The following GOLGA8A variants were observed in gnomAD, a reference collection of about 807,000 sequenced individuals.
GOLGA8A encodes the protein golgin subfamily A member 8A.
In GOLGA8A, 3 loss-of-function variants were observed where a neutral mutation model predicts 22.1. The observed-to-expected ratio is 0.14, with a 90% confidence interval of 0.06 to 0.35. The LOEUF (loss-of-function observed/expected upper bound fraction) is 0.35, where lower values mean the gene tolerates loss of function less well. Ranked by LOEUF, GOLGA8A falls within the 10% of genes least tolerant of loss-of-function variation. The probability of loss-of-function intolerance (pLI) is 1.00; values close to 1 mark genes in which losing one functional copy is unlikely to be tolerated. For missense variants in GOLGA8A, 16 were observed against 233.2 expected (o/e 0.07, Z 6.07); for synonymous variants, 7 against 91.7 (o/e 0.08, Z 5.28).
chr15:34,428,030 C>T lies in GOLGA8A; in HGVS notation c.-1123+7353G>A, dbSNP rs574762484. Among the ~76,000 whole-genome samples the T allele has an allele frequency of 3.0e-3, 444 of 148,490 alleles. 22 individuals carry two copies. Among genetic ancestry groups the T allele is most frequent in the Non-Finnish European group, 3.8e-3 (252 of 66,964 alleles). ...CATCAAGATGATACAAAGGTCTAAT[C>T]GCAGAGGTGCTCTCCACTCCCAACC... On this transcript the variant is annotated intron_variant, in intron 2 of 24. Coordinates refer to ENST00000359187, the MANE Select transcript of GOLGA8A (RefSeq NM_181077.5).
intron 16 of GOLGA8A, 134 bp from the exon 17 acceptor site, chr15:34,384,181 C>CT: frequency 1.7e-6 from 1 of 586,014 alleles, no homozygotes; most frequent in East Asian, 2.8e-5. Context: ...AGCCCGTGGT[C>CT]TGGTTTTGAA....
intron 2 of GOLGA8A, among the ~76,000 whole-genome samples, chr15:34,430,701 C>A (rs62014615): frequency 0.13 from 17,229 of 134,562 alleles, 2,100 homozygotes; most frequent in South Asian, 0.27. Flanking sequence ...GCACTGACTG[C>A]GTGCTTTACT....
chr15:34,429,173 C>A, intron 2 of GOLGA8A, among the ~76,000 whole-genome samples: 1 of 147,792 alleles, frequency 6.8e-6, no homozygotes, highest in Non-Finnish European at 1.5e-5. Context: ...CTGACCGCGT[C>A]TTCCTCCCAT....
At position 34,423,158 on chromosome 15, in the gene GOLGA8A, C is replaced by A. The variant is rs1266991575; in HGVS notation, c.-1123+12225G>T. Among the ~76,000 whole-genome samples the A allele has an allele frequency of 1.6e-5, 2 of 124,692 alleles. 1 individual carries two copies. The highest frequency in any genetic ancestry group is 3.5e-5 in the Non-Finnish European group (2 of 56,612). 81.8% of individuals were successfully genotyped at this position (124,692 alleles called of 152,430 possible). A position where few individuals can be genotyped will look rare whatever the true frequency, so the allele number is the denominator to read the frequency against. ...CTCTCCCCTCCATCACACTTCGAAC[C>A]TTCCTGGGCCTGGATCACCTTCCTG... On this transcript the variant is annotated intron_variant, in intron 2 of 24. Transcript: ENST00000359187.
intron 2 of GOLGA8A, among the ~76,000 whole-genome samples, chr15:34,429,260 A>C (rs2140286290): frequency 6.8e-6 from 1 of 146,932 alleles, no homozygotes; most frequent in East Asian, 2.0e-4. Flanking sequence ...ATGTGTTGTT[A>C]TTGGCCCACC....
At position 34,434,076 on chromosome 15, in the gene GOLGA8A, G is replaced by A. The variant is rs77657850; in HGVS notation, c.-1123+1307C>T. ...GAGCCTACATTCAGTTAGGATCTCC[G>A]GGATGGACATGGGCCAAGATGACAG... On this transcript the variant is annotated intron_variant, in intron 2 of 24. Coordinates refer to ENST00000359187, the MANE Select transcript of GOLGA8A (RefSeq NM_181077.5). 6.7e-5 allele frequency among the ~76,000 whole-genome samples: 10 copies of A among 149,270 alleles called. 1 individual carries two copies. The highest frequency in any genetic ancestry group is 2.2e-4 in the South Asian group (1 of 4,642).
intron 2 of GOLGA8A, among the ~76,000 whole-genome samples, chr15:34,426,427 G>A (rs1595665102): frequency 6.8e-6 from 1 of 147,266 alleles, no homozygotes; most frequent in African/African-American, 2.5e-5. Flanking sequence ...GGGAGGAATC[G>A]CCACCAAACT....
At chr15:34,436,549 C>T (rs1253808722) in intron 1 of GOLGA8A, among the ~76,000 whole-genome samples, 1 of 150,094 alleles carries the variant, frequency 6.7e-6, no homozygotes, top group Non-Finnish European at 1.5e-5. Flanking sequence ...CCCTCTAAGG[C>T]TCTGCTCTCC....
At position 34,433,323 on chromosome 15, in the gene GOLGA8A, C is replaced by G. The variant is rs1322984730; in HGVS notation, c.-1123+2060G>C. Among the ~76,000 whole-genome samples the G allele has an allele frequency of 1.3e-5, 2 of 149,032 alleles. 1 individual carries two copies. Among genetic ancestry groups the G allele is most frequent in the East Asian group, 3.9e-4 (2 of 5,100 alleles). On this transcript the variant is annotated intron_variant, in intron 2 of 24. Transcript: ENST00000359187. ...ATCTGGGCGTGGGGGTGCCTCCTTC[C>G]AAAGTGCATCCACATCCGAGGTGAC...
intron 2 of GOLGA8A, among the ~76,000 whole-genome samples, chr15:34,425,394 A>C (rs1892943237): frequency 6.9e-6 from 1 of 145,456 alleles, no homozygotes; most frequent in South Asian, 2.3e-4. Context: ...CCTATAAAAA[A>C]AAAAAAACTA....
At chr15:34,432,986 C>A (rs989052480) in intron 2 of GOLGA8A, among the ~76,000 whole-genome samples, 3 of 148,912 alleles carry the variant, frequency 2.0e-5, no homozygotes, top group African/African-American at 7.4e-5. Context: ...AGGCAAGAGG[C>A]CTCACGCGGG....
At position 34,435,009 on chromosome 15, in the gene GOLGA8A, G is replaced by A. The variant is rs571405984; in HGVS notation, c.-1123+374C>T. Among the ~76,000 whole-genome samples the A allele has an allele frequency of 2.6e-3, 383 of 149,618 alleles. 25 individuals carry two copies. The highest frequency in any genetic ancestry group is 5.4e-3 in the South Asian group (25 of 4,662). ...CACCCAGTGATGTGTGCTGGGCCTCGATCCCCACCGACCGCCAGTCCTCTC... is the reference window on the plus strand; with the variant it reads ...CACCCAGTGATGTGTGCTGGGCCTCAATCCCCACCGACCGCCAGTCCTCTC... On this transcript the variant is annotated intron_variant, in intron 2 of 24. Coordinates refer to ENST00000359187, the MANE Select transcript of GOLGA8A (RefSeq NM_181077.5).
chr15:34,434,826 C>T lies in GOLGA8A; in HGVS notation c.-1123+557G>A, dbSNP rs1269785443. ...TGTGCCTCCACGTCCCCAGTGCTCACGGCCACCTGGCAAGGGTGAGGAACT... is the reference window on the plus strand; with the variant it reads ...TGTGCCTCCACGTCCCCAGTGCTCATGGCCACCTGGCAAGGGTGAGGAACT... On this transcript the variant is annotated intron_variant, in intron 2 of 24. Coordinates refer to ENST00000359187, the MANE Select transcript of GOLGA8A (RefSeq NM_181077.5). Among the ~76,000 whole-genome samples, 7 of 149,488 alleles carry T rather than the reference C, an allele frequency of 4.7e-5. 1 individual carries two copies. Among genetic ancestry groups the T allele is most frequent in the Non-Finnish European group, 8.9e-5 (6 of 67,196 alleles).
rs184480288 is a variant in GOLGA8A, at chr15:34,379,153, T to C, written c.*2258A>G. ...CACTTTAAGCAAAAGTCTTTCAGTA[T>C]TTCCGTTACACATTCTGTTAACAAG... On this transcript the variant is annotated 3_prime_UTR_variant, in exon 25 of 25. Coordinates refer to ENST00000359187, the MANE Select transcript of GOLGA8A (RefSeq NM_181077.5). The C allele has an allele frequency of 6.5e-6, 1 of 152,800 alleles. No individual in the cohort carries two copies. Among genetic ancestry groups the C allele is most frequent in the African/African-American group, 2.4e-5 (1 of 41,580 alleles). The allele number at this position is 152,800 out of a possible 1,614,324, so 9.5% of individuals were successfully genotyped here.
intron 2 of GOLGA8A, among the ~76,000 whole-genome samples, chr15:34,432,083 G>A (rs1453313767): frequency 6.7e-6 from 1 of 149,108 alleles, no homozygotes; most frequent in Non-Finnish European, 1.5e-5. Context: ...GTTGATTCTA[G>A]GGACAAGAAG....
intron 2 of GOLGA8A, among the ~76,000 whole-genome samples, chr15:34,434,052 A>C (rs1338927472): frequency 6.7e-6 from 1 of 148,828 alleles, no homozygotes; most frequent in Non-Finnish European, 1.5e-5. Flanking sequence ...AAGATGAAAG[A>C]GCCTACATTC....
intron 2 of GOLGA8A, among the ~76,000 whole-genome samples, chr15:34,431,176 C>T (rs1249672524): frequency 6.8e-6 from 1 of 147,292 alleles, no homozygotes; most frequent in Non-Finnish European, 1.5e-5. Context: ...AAACCATAAA[C>T]GATACTTGTT....
chr15:34,430,303 C>T (rs1432017149), intron 2 of GOLGA8A, among the ~76,000 whole-genome samples: 1 of 149,028 alleles, frequency 6.7e-6, no homozygotes, highest in Non-Finnish European at 1.5e-5. Flanking sequence ...ACCTGCAAAA[C>T]GATGACACGC....
rs1378565927 is a variant in GOLGA8A, at chr15:34,400,809, A to G, written c.-574-50T>C. On this transcript the variant is annotated intron_variant, in intron 5 of 24. Transcript: ENST00000359187. ...ATACTGACATTAGGGTCATATCAAGAAAGTTCAATCATAAGATATATCCAC... is the reference window on the plus strand; with the variant it reads ...ATACTGACATTAGGGTCATATCAAGGAAGTTCAATCATAAGATATATCCAC... 3 of 144,226 alleles carry G rather than the reference A, an allele frequency of 2.1e-5. No individual in the cohort carries two copies. In the Admixed American group the frequency reaches 2.1e-4, roughly 10 times the overall value. 8.9% of individuals were successfully genotyped at this position (144,226 alleles called of 1,614,324 possible). A position where few individuals can be genotyped will look rare whatever the true frequency, so the allele number is the denominator to read the frequency against.
Sources: allele counts gnomAD v4.1 joint callset (sites outside exome capture counted in the v4.1 genomes callset), GRCh38; gene constraint gnomAD v4.1.1; transcripts MANE v1.5; gene names NCBI Gene and HGNC (gene_info 2026-07-23, HGNC 2026-07-21).